The following SPRED2 variants were observed in gnomAD, a reference collection of about 807,000 sequenced individuals.
The protein encoded by SPRED2 is sprouty related EVH1 domain containing 2, also known as sprouty-related, EVH1 domain-containing protein 2.
A neutral mutation model predicts 43.0 loss-of-function variants in SPRED2; 47 were observed. That is an observed-to-expected ratio of 1.09 (90% CI 0.87 to 1.40). SPRED2 has a LOEUF of 1.40. SPRED2 is among the 40% of genes most tolerant of loss of function. SPRED2 has a pLI of 0.00. For missense variants in SPRED2, 561 were observed against 586.4 expected (o/e 0.96, Z 0.45); for synonymous variants, 225 against 225.7 (o/e 1.00, Z 0.03).
rs369830515 is a variant in SPRED2, at chr2:65,411,710, T to A, written c.26+20252A>T. Among the ~76,000 whole-genome samples the A allele has an allele frequency of 4.3e-4, 65 of 152,322 alleles. 1 individual carries two copies. In the South Asian group the frequency reaches 0.013, roughly 30 times the overall value. ...GACTTGTTGGGTAAATATGTCTTTA[T>A]GGACTTCATAAAATTCAGATTGTGT... On this transcript the variant is annotated intron_variant, in intron 1 of 5. Coordinates refer to ENST00000356388, the MANE Select transcript of SPRED2 (RefSeq NM_181784.3).
intron 1 of SPRED2, among the ~76,000 whole-genome samples, chr2:65,430,342 C>T (rs1440684400): frequency 3.3e-5 from 5 of 152,174 alleles, no homozygotes; most frequent in Non-Finnish European, 7.3e-5. Context: ...TCTCCTGTGA[C>T]GGCTGTCTGG....
chr2:65,310,482 C>T (rs1479543689), downstream of SPRED2, among the ~76,000 whole-genome samples: 3 of 151,922 alleles, frequency 2.0e-5, no homozygotes, highest in East Asian at 5.8e-4. Flanking sequence ...CACACACACA[C>T]ACACACACAC....
At chr2:65,408,607 T>G (rs1273305388) in intron 1 of SPRED2, among the ~76,000 whole-genome samples, 2 of 152,028 alleles carry the variant, frequency 1.3e-5, no homozygotes, top group African/African-American at 4.8e-5. Flanking sequence ...TTTTTTTTTT[T>G]GAGACGGAGT....
intron 1 of SPRED2, among the ~76,000 whole-genome samples, chr2:65,416,118 T>A (rs765150481): frequency 4.6e-5 from 7 of 152,198 alleles, no homozygotes; most frequent in Non-Finnish European, 1.0e-4. Context: ...AGCTAAAGCA[T>A]GTTAGAATCT....
rs1184692285 is a variant in SPRED2, at chr2:65,312,021, C to T, written c.*1480G>A. 1.0e-6 allele frequency: 1 copy of T among 985,282 alleles called. No individual in the cohort carries two copies. The highest frequency in any genetic ancestry group is 1.2e-6 in the Non-Finnish European group (1 of 829,932). 61.0% of individuals were successfully genotyped at this position (985,282 alleles called of 1,614,324 possible). On this transcript the variant is annotated 3_prime_UTR_variant, in exon 6 of 6. Coordinates refer to ENST00000356388, the MANE Select transcript of SPRED2 (RefSeq NM_181784.3). ...GAACAGCCGGCGTCCGCAAGCCTGTCCCCGGTGGTCTCCACGAGGTTCTGA... is the reference window on the plus strand; with the variant it reads ...GAACAGCCGGCGTCCGCAAGCCTGTTCCCGGTGGTCTCCACGAGGTTCTGA...
At position 65,347,046 on chromosome 2, in the gene SPRED2, A is replaced by T. The variant is rs534875141; in HGVS notation, c.27-2150T>A. Among the ~76,000 whole-genome samples, 7 of 152,242 alleles carry T rather than the reference A, an allele frequency of 4.6e-5. No individual in the cohort carries two copies. In the East Asian group the frequency reaches 1.2e-3, roughly 25 times the overall value. On this transcript the variant is annotated intron_variant, in intron 1 of 5. Coordinates refer to ENST00000356388, the MANE Select transcript of SPRED2 (RefSeq NM_181784.3). ...TCAACCGTGAATCTCGTCATTACCA[A>T]TATCTGCACCACCTCCATAACTCAA...
intron 1 of SPRED2, among the ~76,000 whole-genome samples, chr2:65,396,892 A>G (rs546493662): frequency 6.6e-6 from 1 of 152,212 alleles, no homozygotes; most frequent in Non-Finnish European, 1.5e-5. Context: ...TGTTTCCAAG[A>G]GGCTATTCTA....
At chr2:65,337,409 G>GA (rs898337946) in intron 2 of SPRED2, among the ~76,000 whole-genome samples, 32 of 147,944 alleles carry the variant, frequency 2.2e-4, no homozygotes, top group Non-Finnish European at 2.4e-4. Flanking sequence ...TTCGAGACTT[G>GA]AAAAAAAAAA....
chr2:65,335,061 C>A (rs1309793780), intron 2 of SPRED2, among the ~76,000 whole-genome samples: 1 of 152,170 alleles, frequency 6.6e-6, no homozygotes, highest in African/African-American at 2.4e-5. Flanking sequence ...ATGCTCAGGT[C>A]TTGGGTCTTG....
intron 3 of SPRED2, among the ~76,000 whole-genome samples, chr2:65,332,824 C>T (rs1160376586): frequency 6.6e-6 from 1 of 152,120 alleles, no homozygotes; most frequent in African/African-American, 2.4e-5. Flanking sequence ...CCCCCACCAC[C>T]CTGAATAGCA....
At chr2:65,386,130 C>T (rs1675492657) in intron 1 of SPRED2, among the ~76,000 whole-genome samples, 1 of 151,930 alleles carries the variant, frequency 6.6e-6, no homozygotes, top group Non-Finnish European at 1.5e-5. Context: ...ACTAAAGATA[C>T]AAAAATTAGC....
Position 65,334,701 on chromosome 2 carries a change from C to A in SPRED2, c.277G>T (p.Val93Phe), listed in dbSNP as rs1485422722. The change falls in exon 3 of 6, where the codon GTC (valine) becomes TTC (phenylalanine). Residue 93 changes from valine to phenylalanine, a missense_variant. Transcript: ENST00000356388. ...KANPTFHHWK[V>F]DNRKFGLTFQ... ...GTAAGTCCAAACTTCCTATTATCGA[C>A]CTTCCAGTGATGAAACGTTGGATTG... is the stretch of plus-strand genomic sequence containing the variant. 1.2e-6 allele frequency: 2 copies of A among 1,614,086 alleles called. No individual in the cohort carries two copies. The highest frequency in any genetic ancestry group is 1.7e-6 in the Non-Finnish European group (2 of 1,180,050).
chr2:65,337,326 A>C (rs1162089348), intron 2 of SPRED2, among the ~76,000 whole-genome samples: 2 of 152,218 alleles, frequency 1.3e-5, no homozygotes, highest in Non-Finnish European at 2.9e-5. Context: ...ACTAACTTAA[A>C]ACTTGAGAAA....
intron 1 of SPRED2, among the ~76,000 whole-genome samples, chr2:65,373,523 G>A (rs544088881): frequency 6.6e-6 from 1 of 152,350 alleles, no homozygotes; most frequent in African/African-American, 2.4e-5. Context: ...AGCAGCTAAT[G>A]TCAATATTAG....
intron 1 of SPRED2, among the ~76,000 whole-genome samples, chr2:65,349,437 C>T (rs1674446536): frequency 6.6e-6 from 1 of 151,700 alleles, no homozygotes; most frequent in Admixed American, 6.6e-5. Context: ...AACAAAAAAA[C>T]CTAAGGGTCC....
chr2:65,379,267 CT>C (rs752591419), intron 1 of SPRED2, among the ~76,000 whole-genome samples: 15 of 152,126 alleles, frequency 9.9e-5, no homozygotes, highest in Admixed American at 7.2e-4. Flanking sequence ...GTGCATCTTG[CT>C]GAGAGCAGCT....
intron 1 of SPRED2, among the ~76,000 whole-genome samples, chr2:65,360,019 C>T (rs1185194144): frequency 7.3e-5 from 10 of 137,524 alleles, no homozygotes; most frequent in Non-Finnish European, 1.2e-4. Context: ...GAGCCAAGGT[C>T]GCGTCACTGC....
intron 1 of SPRED2, among the ~76,000 whole-genome samples, chr2:65,350,316 T>C (rs1229626372): frequency 6.6e-6 from 1 of 152,202 alleles, no homozygotes; most frequent in Non-Finnish European, 1.5e-5. Context: ...AAACATGCTA[T>C]CTTTGTCAAA....
chr2:65,345,802 T>A (rs1674335072), intron 1 of SPRED2, among the ~76,000 whole-genome samples: 1 of 152,218 alleles, frequency 6.6e-6, no homozygotes, highest in African/African-American at 2.4e-5. Flanking sequence ...GTCTAAAACC[T>A]CAATTTCACA....
Sources: allele counts gnomAD v4.1 joint callset (sites outside exome capture counted in the v4.1 genomes callset), GRCh38; gene constraint gnomAD v4.1.1; transcripts MANE v1.5; gene names NCBI Gene and HGNC (gene_info 2026-07-23, HGNC 2026-07-21).